EIF4G1: variants seen among roughly 807,000 people sequenced by gnomAD.
The protein encoded by EIF4G1 is EIF4-gamma.
In EIF4G1, 4 loss-of-function variants were observed where a neutral mutation model predicts 187.8. The observed-to-expected ratio is 0.02, with a 90% confidence interval of 0.01 to 0.05. The LOEUF (loss-of-function observed/expected upper bound fraction) is 0.05, where lower values mean the gene tolerates loss of function less well. Among genes scored for constraint, EIF4G1 ranks in the 10% least tolerant of loss-of-function variants. The pLI is 1.00. For synonymous variants in EIF4G1, 844 were observed against 781.4 expected (o/e 1.08, Z -1.34); for missense variants, 1,647 against 2,081.1 (o/e 0.79, Z 4.06).
chr3:184,319,428 T>G (rs184686432), intron 6 of EIF4G1, among the ~76,000 whole-genome samples: 1,695 of 40,214 alleles, frequency 0.042, 12 homozygotes, highest in Non-Finnish European at 0.048. Flanking sequence ...CTACGAGGGG[T>G]GTGTGTGTGT....
intron 2 of EIF4G1, 107 bp from the exon 3 acceptor site, chr3:184,315,656 C>T (rs1421690450): frequency 5.9e-6 from 5 of 841,526 alleles, no homozygotes; most frequent in African/African-American, 3.3e-5. Flanking sequence ...CTCTTGGCAT[C>T]TCTGGGACTC....
intron 16 of EIF4G1, 58 bp from the exon 17 acceptor site, chr3:184,324,143 T>G: frequency 6.2e-7 from 1 of 1,612,576 alleles, no homozygotes; most frequent in Admixed American, 1.7e-5. Context: ...TAAAGGCTCT[T>G]GGAGGGCCTT....
At chr3:184,324,765 AGC>A in intron 17 of EIF4G1, 111 bp from the exon 18 acceptor site, 2 of 1,185,496 alleles carry the variant, frequency 1.7e-6, no homozygotes, top group Non-Finnish European at 2.5e-6. Flanking sequence ...ATGCCCAGCC[AGC>A]CGGCCTCAGG....
chr3:184,328,364 C>T, intron 26 of EIF4G1: 1 of 528,588 alleles, frequency 1.9e-6, no homozygotes, highest in South Asian at 2.0e-5. Context: ...GCACTCCAGC[C>T]TGGGTGACAA....
At chr3:184,320,402 A>G in intron 7 of EIF4G1, 2 of 1,433,594 alleles carry the variant, frequency 1.4e-6, no homozygotes, top group East Asian at 2.6e-5. Context: ...GGGCATTGTG[A>G]TGTACAGGGC....
chr3:184,328,634 G>A lies in EIF4G1; in HGVS notation c.3957G>A (p.Leu1319=), dbSNP rs750834886. 1.2e-5 allele frequency: 19 copies of A among 1,614,058 alleles called. No individual in the cohort carries two copies. Among genetic ancestry groups the A allele is most frequent in the East Asian group, 8.9e-5 (4 of 44,882 alleles). The part of the protein sequence containing the change: ...HLSTAQYYQG[L]YEILELAEDM... ...TGACTTTGAATTCCCTTGGCAGGTT[G>A]TATGAAATCTTGGAATTGGCTGAGG... Residue 1319 remains leucine (L), a synonymous_variant, in exon 27 of 33, where the codon TTG becomes TTA. Coordinates refer to ENST00000346169, the MANE Select transcript of EIF4G1 (RefSeq NM_198241.3).
At chr3:184,324,150 C>T in intron 16 of EIF4G1, 51 bp from the exon 17 acceptor site, 3 of 1,613,600 alleles carry the variant, frequency 1.9e-6, no homozygotes, top group Non-Finnish European at 2.5e-6. Context: ...TCTTGGAGGG[C>T]CTTCCCTGCC....
Position 184,317,348 on chromosome 3 carries a change from C to T in EIF4G1, c.175C>T (p.Pro59Ser). Residue 59 changes from proline (P) to serine (S), a missense_variant, in exon 5 of 33, where the codon CCG becomes TCG. By Grantham distance (74) the Pro-to-Ser change is moderately conservative (BLOSUM62 -1). Around this residue, in one of 11 missense-constraint regions of EIF4G1, gnomAD observed 139 missense variants for 187.3 expected, o/e 0.74. Coordinates refer to ENST00000346169, the MANE Select transcript of EIF4G1 (RefSeq NM_198241.3). ...CTTCTACCCTAGCCGGGCCCAGCCCCCGAGCAGTGCAGCCTCCCGAGTGCA... is the reference window on the plus strand; with the variant it reads ...CTTCTACCCTAGCCGGGCCCAGCCCTCGAGCAGTGCAGCCTCCCGAGTGCA... ...QHFYPSRAQP[P>S]SSAASRVQSA... The T allele has an allele frequency of 6.2e-7, 1 of 1,614,118 alleles. No individual in the cohort carries two copies. Among genetic ancestry groups the T allele is most frequent in the East Asian group, 2.2e-5 (1 of 44,870 alleles).
At chr3:184,314,853 CCG>C (rs1289800045) in intron 1 of EIF4G1, among the ~76,000 whole-genome samples, 179 bp downstream of exon 1, 6 of 150,168 alleles carry the variant, frequency 4.0e-5, no homozygotes, top group African/African-American at 1.5e-4. Context: ...CCTGGCCCGG[CCG>C]GGCCTGGCTG....
rs776614682 is a variant in EIF4G1 at position 184,323,633 on chromosome 3, C to T, written c.2274+40C>T. On this transcript the variant is annotated intron_variant, in intron 15 of 32. Coordinates refer to ENST00000346169, the MANE Select transcript of EIF4G1 (RefSeq NM_198241.3). The surrounding 1 kb of genome is among the most constrained non-coding windows in gnomAD (Gnocchi z 6.9). ...TGCTTTTGGTCTCTCTCCATTTCTT[C>T]TCCAGGTCTGCCATCTGTGCCCTCT... 29 of 1,612,804 alleles carry T rather than the reference C, an allele frequency of 1.8e-5. No individual in the cohort carries two copies. In the South Asian group the frequency reaches 3.1e-4, roughly 17 times the overall value.
At chr3:184,329,734 A>G (rs983966686) in intron 28 of EIF4G1, among the ~76,000 whole-genome samples, 7 of 152,232 alleles carry the variant, frequency 4.6e-5, no homozygotes, top group Admixed American at 1.3e-4. Flanking sequence ...TTGCAAAGGA[A>G]TATTTGACAA....
rs1271548748 is a variant in EIF4G1 at position 184,327,383 on chromosome 3, C to T, written c.3596C>T (p.Ser1199Phe). The change falls in exon 24 of 33, where the codon TCC (serine) becomes TTC (phenylalanine). Residue 1199 changes from serine (S) to phenylalanine (F), a missense_variant. Ser to Phe is a radical substitution (Grantham distance 155). This residue lies in a region of EIF4G1 where 543 missense variants were observed against 638.0 expected (regional missense o/e 0.85). Transcript: ENST00000346169. The stretch of plus-strand genomic sequence containing the variant: ...GAGGAGCGGAGTAGAGAACGGCCCT[C>T]CCAGCCTGAGGGGCTGCGCAAGGCA... Reference protein sequence around the residue: ...EVEERSRERPSQPEGLRKAAS... With the variant: ...EVEERSRERPFQPEGLRKAAS... 2 of 1,613,608 alleles carry T rather than the reference C, an allele frequency of 1.2e-6. No homozygotes were observed. Among genetic ancestry groups the T allele is most frequent in the African/African-American group, 1.3e-5 (1 of 75,046 alleles).
chr3:184,331,231 G>T, intron 28 of EIF4G1, 35 bp from the exon 29 acceptor site: 2 of 1,610,604 alleles, frequency 1.2e-6, no homozygotes, highest in Non-Finnish European at 1.7e-6. Context: ...GAGAGAGAGA[G>T]CTTTGGTAAG....
chr3:184,325,624 C>T lies in EIF4G1; in HGVS notation c.3106C>T (p.Pro1036Ser), dbSNP rs771572075. ...KGSDKRRGGPPGPPISRGLPL... is the reference protein window; with the variant it reads ...KGSDKRRGGPSGPPISRGLPL... ...CAGTGACAAGCGTCGGGGCGGTCCT[C>T]CAGGCCCTCCCATCAGTGAGTTCCA... Residue 1036 changes from proline to serine, a missense_variant, in exon 20 of 33, where the codon CCA becomes TCA. This residue lies in a region of EIF4G1 where 142 missense variants were observed against 296.6 expected (regional missense o/e 0.48). Transcript: ENST00000346169. This position sits in a 1 kb window ranked among gnomAD's most constrained non-coding sequence, Gnocchi z 5.2. 23 of 1,614,058 alleles carry T rather than the reference C, an allele frequency of 1.4e-5. No homozygotes were observed. The East Asian group carries it at 4.7e-4, about 33-fold the overall frequency.
chr3:184,328,544 TAGTTG>T lies in EIF4G1; in HGVS notation c.3954-85_3954-81del, dbSNP rs1409024269. 6.0e-5 allele frequency: 95 copies of T among 1,585,136 alleles called. No homozygotes were observed. In the African/African-American group the frequency reaches 1.1e-3, roughly 18 times the overall value. On this transcript the variant is annotated intron_variant, in intron 26 of 32. Coordinates refer to ENST00000346169, the MANE Select transcript of EIF4G1 (RefSeq NM_198241.3). ...CTAGAAAATGTTCCTGGGGGTTCCA[TAGTTG>T]ATGCCCTAGCCATGCCACGTTGCCC...
intron 21 of EIF4G1, 156 bp downstream of exon 21, chr3:184,326,107 A>T: frequency 1.3e-6 from 1 of 747,948 alleles, no homozygotes; most frequent in Non-Finnish European, 2.3e-6. Flanking sequence ...GGAGGGTGGT[A>T]CTCCCATTAG....
intron 28 of EIF4G1, among the ~76,000 whole-genome samples, chr3:184,331,044 C>T (rs1467084222): frequency 1.3e-5 from 2 of 152,018 alleles, no homozygotes; most frequent in African/African-American, 2.4e-5. Flanking sequence ...GCTCCTGGGA[C>T]GAGTTCTTAT....
chr3:184,325,384 C>T lies in EIF4G1; in HGVS notation c.2961+11C>T, dbSNP rs755396542. 1.2e-6 allele frequency: 2 copies of T among 1,614,140 alleles called. No individual in the cohort carries two copies. The highest frequency in any genetic ancestry group is 1.7e-6 in the Non-Finnish European group (2 of 1,180,002). The stretch of plus-strand genomic sequence containing the variant: ...CTGGATCTGCGAGGGGTGTGTGTCC[C>T]CCTCCTCCCCACTGCCAGCCTGCTG... On this transcript the variant is annotated intron_variant, in intron 19 of 32. Coordinates refer to ENST00000346169, the MANE Select transcript of EIF4G1 (RefSeq NM_198241.3). The surrounding 1 kb of genome is among the most constrained non-coding windows in gnomAD (Gnocchi z 5.2).
In EIF4G1 at chr3:184,323,019, G is replaced by A. The variant is rs777491523; in HGVS notation, c.1930-64G>A. On this transcript the variant is annotated intron_variant, in intron 13 of 32. Coordinates refer to ENST00000346169, the MANE Select transcript of EIF4G1 (RefSeq NM_198241.3). This position sits in a 1 kb window ranked among gnomAD's most constrained non-coding sequence, Gnocchi z 6.9. ...CTGGATGGATTGGGGAGGAGCCTGA[G>A]GTCCTGAAAGAGTAGTCAACCGCTC... 6.2e-7 allele frequency: 1 copy of A among 1,614,174 alleles called. No homozygotes were observed. Among genetic ancestry groups the A allele is most frequent in the Non-Finnish European group, 8.5e-7 (1 of 1,180,050 alleles).
Sources: gnomAD v4.1 joint callset for allele counts (sites outside exome capture counted in the v4.1 genomes callset) on GRCh38, gnomAD v4.1.1 for gene constraint, gnomAD v4.1.1 regional missense constraint, Gnocchi (gnomAD v3.1) non-coding constraint, MANE v1.5 for transcripts, NCBI Gene and HGNC (gene_info 2026-07-23, HGNC 2026-07-21) for gene names.